AK5: variants seen among roughly 807,000 people sequenced by gnomAD.
AK5 encodes the protein adenylate kinase 5, also known as adenylate kinase isoenzyme 5.
A neutral mutation model predicts 69.5 loss-of-function variants in AK5; 27 were observed. The ratio of observed to expected loss-of-function variants is 0.39; its 90% CI spans 0.29 to 0.54. AK5 has a LOEUF of 0.54. Among genes scored for constraint, AK5 ranks in the 20% least tolerant of loss-of-function variants. AK5 has a pLI of 0.71. For missense variants in AK5, 531 were observed against 700.4 expected (o/e 0.76, Z 2.73); for synonymous variants, 260 against 244.4 (o/e 1.06, Z -0.60).
intron 6 of AK5, among the ~76,000 whole-genome samples, chr1:77,368,247 A>G (rs1647045159): frequency 1.1e-5 from 1 of 88,698 alleles, no homozygotes; most frequent in African/African-American, 3.7e-5. Context: ...ATATATATAT[A>G]TATATAATAT....
At chr1:77,534,498 C>T (rs1053772205) in intron 12 of AK5, among the ~76,000 whole-genome samples, 3 of 152,268 alleles carry the variant, frequency 2.0e-5, no homozygotes, top group Non-Finnish European at 4.4e-5. Flanking sequence ...AACAGTGAAT[C>T]GTTAGTGAGT....
intron 6 of AK5, among the ~76,000 whole-genome samples, chr1:77,400,196 C>T (rs1007043923): frequency 1.3e-5 from 2 of 152,120 alleles, no homozygotes; most frequent in Non-Finnish European, 1.5e-5. Context: ...TTCCAAAAGC[C>T]CTGCTTTGTT....
At chr1:77,472,285 G>A (rs1443851458) in intron 8 of AK5, among the ~76,000 whole-genome samples, 1 of 152,158 alleles carries the variant, frequency 6.6e-6, no homozygotes, top group Admixed American at 6.5e-5. Flanking sequence ...CCTCCTTAAC[G>A]CATAGGGGAT....
intron 6 of AK5, among the ~76,000 whole-genome samples, chr1:77,357,283 GT>G (rs1274077409): frequency 2.6e-5 from 4 of 151,170 alleles, no homozygotes; most frequent in Non-Finnish European, 4.4e-5. Context: ...AAAGACAAGG[GT>G]TTGAATTCTG....
chr1:77,344,978 G>T lies in AK5; in HGVS notation c.891+4410G>T, dbSNP rs139872126. Reference sequence around the variant, plus strand: ...ATTTTGTTTATTTTTAAAGAAAAAGGTCTTCTTAAATTGTGCAAAAAAAAA... The same window carrying T: ...ATTTTGTTTATTTTTAAAGAAAAAGTTCTTCTTAAATTGTGCAAAAAAAAA... On this transcript the variant is annotated intron_variant, in intron 6 of 13. Transcript: ENST00000354567. 4.5e-3 allele frequency among the ~76,000 whole-genome samples: 565 copies of T among 126,954 alleles called. 10 individuals are homozygous for T. The East Asian group carries it at 0.049, about 11-fold the overall frequency. 83.3% of individuals were successfully genotyped at this position (126,954 alleles called of 152,430 possible).
At chr1:77,300,136 G>A (rs1018142464) in intron 5 of AK5, among the ~76,000 whole-genome samples, 1 of 152,172 alleles carries the variant, frequency 6.6e-6, no homozygotes, top group Non-Finnish European at 1.5e-5. Flanking sequence ...GGGAGAGGGA[G>A]GGAAGAGAGG....
intron 6 of AK5, among the ~76,000 whole-genome samples, chr1:77,378,947 C>T (rs1647432509): frequency 6.6e-6 from 1 of 152,120 alleles, no homozygotes; most frequent in South Asian, 2.1e-4. Context: ...TGAGATGGGC[C>T]TGCTTTCATA....
rs531499593 is a variant in AK5 at position 77,424,395 on chromosome 1, G to C, written c.1059+6680G>C. On this transcript the variant is annotated intron_variant, in intron 8 of 13. Coordinates refer to ENST00000354567, the MANE Select transcript of AK5 (RefSeq NM_174858.3). ...CTTGCCTCAGCCTCTTGAGTAGCTAGGACTACAGATGTACACCACCATGCC... is the reference window on the plus strand; with the variant it reads ...CTTGCCTCAGCCTCTTGAGTAGCTACGACTACAGATGTACACCACCATGCC... Among the ~76,000 whole-genome samples the C allele has an allele frequency of 1.1e-4, 16 of 152,188 alleles. 1 individual carries two copies. In the Middle Eastern group the frequency reaches 0.017, roughly 162 times the overall value.
intron 5 of AK5, among the ~76,000 whole-genome samples, chr1:77,304,056 C>T (rs1344408233): frequency 3.3e-5 from 5 of 152,150 alleles, no homozygotes; most frequent in African/African-American, 1.2e-4. Context: ...TTATTATTGA[C>T]TATAGTCTCC....
intron 12 of AK5, 115 bp downstream of exon 12, chr1:77,522,058 C>A: frequency 1.3e-6 from 1 of 784,380 alleles, no homozygotes; most frequent in African/African-American, 1.8e-5. Flanking sequence ...CTTTAAGGGG[C>A]AGAAACTTGA....
At chr1:77,472,135 A>T (rs187567256) in intron 8 of AK5, among the ~76,000 whole-genome samples, 41 of 152,360 alleles carry the variant, frequency 2.7e-4, no homozygotes, top group African/African-American at 9.6e-4. Context: ...ACCTGCAAGT[A>T]ACCTAGCTAA....
chr1:77,490,436 C>T (rs185194478), intron 10 of AK5, among the ~76,000 whole-genome samples: 6 of 152,258 alleles, frequency 3.9e-5, no homozygotes, highest in South Asian at 2.1e-4. Flanking sequence ...GTGGCAAGGA[C>T]GGACCCAGTC....
intron 10 of AK5, among the ~76,000 whole-genome samples, chr1:77,495,706 T>TGGGTCTGAG (rs971186288): frequency 1.3e-5 from 2 of 152,110 alleles, no homozygotes; most frequent in Non-Finnish European, 2.9e-5. Flanking sequence ...TGATGCTGAG[T>TGGGTCTGAG]GGGTCTGAGG....
intron 6 of AK5, among the ~76,000 whole-genome samples, chr1:77,404,916 A>G (rs980524886): frequency 6.6e-6 from 1 of 152,248 alleles, no homozygotes; most frequent in Non-Finnish European, 1.5e-5. Flanking sequence ...TGAATTGGAC[A>G]ATCAGCCATT....
chr1:77,382,951 G>C (rs1467619060), intron 6 of AK5, among the ~76,000 whole-genome samples: 1 of 151,966 alleles, frequency 6.6e-6, no homozygotes, highest in African/African-American at 2.4e-5. Flanking sequence ...CCCACTTATG[G>C]TCCTAAATAA....
chr1:77,444,254 ATG>A (rs1217751101), intron 8 of AK5, among the ~76,000 whole-genome samples: 1 of 42,068 alleles, frequency 2.4e-5, no homozygotes, highest in Non-Finnish European at 4.7e-5. Flanking sequence ...TACACAACAT[ATG>A]TGTATATATA....
chr1:77,441,353 C>A lies in AK5; in HGVS notation c.1059+23638C>A, dbSNP rs186991106. The stretch of plus-strand genomic sequence containing the variant: ...GTTATGTTCCTTTAGTGATATTAAA[C>A]TTCCATGCTCTTTTATGTTTTATGT... On this transcript the variant is annotated intron_variant, in intron 8 of 13. Coordinates refer to ENST00000354567, the MANE Select transcript of AK5 (RefSeq NM_174858.3). 1.9e-3 allele frequency among the ~76,000 whole-genome samples: 294 copies of A among 152,190 alleles called. 7 individuals carry two copies. Among genetic ancestry groups the A allele is most frequent in the Non-Finnish European group, 1.0e-3 (69 of 68,020 alleles).
At chr1:77,329,714 G>A (rs1287888826) in intron 5 of AK5, among the ~76,000 whole-genome samples, 1 of 152,200 alleles carries the variant, frequency 6.6e-6, no homozygotes, top group South Asian at 2.1e-4. Context: ...ACCACATGAA[G>A]AATTCCTTTT....
chr1:77,485,066 A>G (rs550850428), intron 9 of AK5, among the ~76,000 whole-genome samples: 1 of 152,372 alleles, frequency 6.6e-6, no homozygotes, highest in African/African-American at 2.4e-5. Flanking sequence ...CTCACAGGCT[A>G]GAGAACCTGA....
Sources: gnomAD v4.1 joint callset for allele counts (sites outside exome capture counted in the v4.1 genomes callset) on GRCh38, gnomAD v4.1.1 for gene constraint, MANE v1.5 for transcripts, NCBI Gene and HGNC (gene_info 2026-07-23, HGNC 2026-07-21) for gene names.